Variants in CEACAM20 observed in about 807,000 individuals in gnomAD.
The protein encoded by CEACAM20 is cell adhesion molecule CEACAM20.
CEACAM20 carries 50 observed loss-of-function variants against 61.2 expected under a neutral mutation model. The ratio of observed to expected loss-of-function variants is 0.82; its 90% CI spans 0.65 to 1.03. CEACAM20 has a LOEUF of 1.03. Ranked by LOEUF, CEACAM20 falls within the 50% of genes least tolerant of loss-of-function variation. CEACAM20 has a pLI of 0.00. For missense variants in CEACAM20, 683 were observed against 736.4 expected, an observed-to-expected ratio of 0.93 and a Z score of 0.84; for synonymous variants, 282 against 287.7, an observed-to-expected ratio of 0.98 and a Z score of 0.20.
chr19:44,526,431 G>A (rs1971530790), intron 1 of CEACAM20, among the ~76,000 whole-genome samples: 1 of 151,980 alleles, frequency 6.6e-6, no homozygotes. Flanking sequence ...CTTGAGCCTG[G>A]GAGTTTGAGG....
intron 7 of CEACAM20, 36 bp downstream of exon 7, chr19:44,513,136 C>CCCATCA: frequency 6.5e-7 from 1 of 1,528,870 alleles, no homozygotes; most frequent in Non-Finnish European, 9.0e-7. Flanking sequence ...TGGCCACATC[C>CCCATCA]CCATCCCCAT....
In CEACAM20 at chr19:44,512,927, G is replaced by A. The variant is rs1481634368; in HGVS notation, c.1454C>T (p.Pro485Leu). 1.2e-6 allele frequency: 2 copies of A among 1,613,552 alleles called. No individual in the cohort carries two copies. The highest frequency in any genetic ancestry group is 1.7e-6 in the Non-Finnish European group (2 of 1,179,740). The change falls in exon 8 of 12, where the codon CCC becomes CTC. Residue 485 changes from proline (P) to leucine (L), a missense_variant. Transcript: ENST00000614924. ...RRPSRKTTED[P>L]SHETSQPIPK... The stretch of plus-strand genomic sequence containing the variant: ...GATGGGTTGTGAGGTCTCATGACTG[G>A]GGTCCTCTGTTGTTTTCCTTGAGGG...
chr19:44,511,992 G>T, intron 9 of CEACAM20, 25 bp downstream of exon 9: 1 of 1,597,860 alleles, frequency 6.3e-7, no homozygotes, highest in East Asian at 2.2e-5. Flanking sequence ...GGATCAAGGA[G>T]GGTTCCCTCT....
At position 44,522,240 on chromosome 19, in the gene CEACAM20, A is replaced by T. The variant is rs1166142789; in HGVS notation, c.751+394T>A. ...TGCCTCAGCCTCCTGAGTAGCTGGG[A>T]CTACAGGCGCCCACCACCACACCTG... On this transcript the variant is annotated intron_variant, in intron 4 of 11. Transcript: ENST00000614924. Among the ~76,000 whole-genome samples, 3 of 151,926 alleles carry T rather than the reference A, an allele frequency of 2.0e-5. No individual in the cohort carries two copies. In the East Asian group the frequency reaches 5.8e-4, roughly 29 times the overall value.
chr19:44,510,610 AAAAGGAAGGAAGGAAGAAAGAAAG>A (rs1475232045), intron 11 of CEACAM20, among the ~76,000 whole-genome samples: 10 of 58,946 alleles, frequency 1.7e-4, no homozygotes, highest in South Asian at 1.1e-3. Context: ...GAAAGAAAGA[AAAAGGAAGGAAGGAAGAAAGAAAG>A]AGAAGAAAGA....
At position 44,512,017 on chromosome 19, in the gene CEACAM20, C is replaced by G. The variant is rs757977426; in HGVS notation, c.1575G>C (p.Leu525=). Residue 525 remains leucine, a splice_region_variant and synonymous_variant, in exon 9 of 12, where the codon CTG becomes CTC. Transcript: ENST00000614924. ...SQLQGRIRVE[L]MQPPDLPEET... is the part of the protein sequence containing the mutation. Reference sequence around the variant, plus strand: ...GGGTTCCCTCTGCAGCATCACTCACCAGTTCGACTCTGATCCGTCCCTGAA... The same window carrying G: ...GGGTTCCCTCTGCAGCATCACTCACGAGTTCGACTCTGATCCGTCCCTGAA... 7.5e-5 allele frequency: 120 copies of G among 1,607,882 alleles called. 2 individuals carry two copies. In the South Asian group the frequency reaches 1.3e-3, roughly 18 times the overall value.
chr19:44,512,409 C>A (rs955125521), intron 8 of CEACAM20, among the ~76,000 whole-genome samples: 1 of 152,122 alleles, frequency 6.6e-6, no homozygotes, highest in South Asian at 2.1e-4. Flanking sequence ...TTCTAGAAAG[C>A]CTTCCATATC....
chr19:44,527,979 G>A (rs1034399748), intron 1 of CEACAM20, among the ~76,000 whole-genome samples: 1 of 152,014 alleles, frequency 6.6e-6, no homozygotes, highest in African/African-American at 2.4e-5. Context: ...CCCTCCACCT[G>A]TCTCTCATCT....
chr19:44,523,609 AT>A (rs1247310513), intron 3 of CEACAM20, among the ~76,000 whole-genome samples: 1 of 151,560 alleles, frequency 6.6e-6, no homozygotes, highest in Non-Finnish European at 1.5e-5. Flanking sequence ...TAGAGATGGG[AT>A]CTTGGTATGT....
At position 44,525,094 on chromosome 19, in the gene CEACAM20, C is replaced by G. The variant is rs760646085; in HGVS notation, c.196+7G>C. On this transcript the variant is annotated splice_region_variant and intron_variant, in intron 2 of 11. Coordinates refer to ENST00000614924, the MANE Select transcript of CEACAM20 (RefSeq NM_001102597.3). ...TCAGAATGACCGTCTTGTTTTCTGG[C>G]CCCTACCTCTGGATCTGCCATGAAT... The G allele has an allele frequency of 9.9e-6, 16 of 1,610,448 alleles. No individual in the cohort carries two copies. Among genetic ancestry groups the G allele is most frequent in the Non-Finnish European group, 1.3e-5 (15 of 1,178,452 alleles).
In CEACAM20 at chr19:44,511,232, G is replaced by C. The variant is rs1599665393; in HGVS notation, c.1612-77C>G. On this transcript the variant is annotated intron_variant, in intron 10 of 11. Transcript: ENST00000614924. ...AATGTACCAACTTACACTCTTCAGGGACCGAGAGAGTGGAAGGAATCTGTT... is the reference window on the plus strand; with the variant it reads ...AATGTACCAACTTACACTCTTCAGGCACCGAGAGAGTGGAAGGAATCTGTT... The C allele has an allele frequency of 3.9e-6, 6 of 1,542,318 alleles. No homozygotes were observed. In the East Asian group the frequency reaches 1.1e-4, roughly 29 times the overall value.
intron 6 of CEACAM20, among the ~76,000 whole-genome samples, chr19:44,513,764 C>T: frequency 6.6e-6 from 1 of 152,094 alleles, no homozygotes; most frequent in Admixed American, 6.6e-5. Flanking sequence ...TTAACAGCAT[C>T]ATTTCTAAAC....
intron 6 of CEACAM20, among the ~76,000 whole-genome samples, chr19:44,514,617 T>TTG (rs1014417415): frequency 7.9e-5 from 12 of 151,284 alleles, no homozygotes; most frequent in Admixed American, 2.6e-4. Flanking sequence ...CCTGGCTAAT[T>TTG]TGTGTGTGTG....
chr19:44,527,742 G>A lies in CEACAM20; in HGVS notation c.52+1716C>T, dbSNP rs866117599. Among the ~76,000 whole-genome samples the A allele has an allele frequency of 3.9e-5, 6 of 152,320 alleles. 1 individual carries two copies. In the Middle Eastern group the frequency reaches 0.017, roughly 432 times the overall value. On this transcript the variant is annotated intron_variant, in intron 1 of 11. Transcript: ENST00000614924. ...ACCCTTCCAGGGTTAGCCAGGAAGC[G>A]CCGGCCCAGAGAAGGAGAAGCTGGT...
intron 11 of CEACAM20, among the ~76,000 whole-genome samples, chr19:44,508,970 G>A (rs1011635842): frequency 6.6e-6 from 1 of 152,104 alleles, no homozygotes; most frequent in Non-Finnish European, 1.5e-5. Flanking sequence ...AAAAATGTGG[G>A]GAAGTAAATA....
intron 1 of CEACAM20, among the ~76,000 whole-genome samples, chr19:44,528,588 C>T (rs1366500412): frequency 2.0e-5 from 3 of 152,036 alleles, no homozygotes; most frequent in Non-Finnish European, 4.4e-5. Flanking sequence ...CGTATCTCTT[C>T]TCCCTGTATT....
At chr19:44,520,847 T>C (rs1224734781) in intron 4 of CEACAM20, 95 bp from the exon 5 acceptor site, 1 of 85,836 alleles carries the variant, frequency 1.2e-5, no homozygotes, top group Non-Finnish European at 1.5e-5. Flanking sequence ...AGTGCGTGCG[T>C]GTGTGTGTGT....
At chr19:44,514,937 CA>C (rs1317309399) in intron 6 of CEACAM20, among the ~76,000 whole-genome samples, 3 of 152,070 alleles carry the variant, frequency 2.0e-5, no homozygotes, top group Non-Finnish European at 4.4e-5. Flanking sequence ...CGCTGCCTCC[CA>C]AGTGATTCTC....
In CEACAM20 at chr19:44,517,567, C is replaced by T. The variant is rs935906028; in HGVS notation, c.1031-343G>A. ...AAAAAATTAGCCGGGCGTAGTGGCA[C>T]GCACCTGTAGTCCCAGCTACTCGGG... On this transcript the variant is annotated intron_variant, in intron 5 of 11. Coordinates refer to ENST00000614924, the MANE Select transcript of CEACAM20 (RefSeq NM_001102597.3). Among the ~76,000 whole-genome samples, 26 of 151,958 alleles carry T rather than the reference C, an allele frequency of 1.7e-4. No homozygotes were observed. The East Asian group carries it at 2.3e-3, about 14-fold the overall frequency.
Sources: allele counts gnomAD v4.1 joint callset (sites outside exome capture counted in the v4.1 genomes callset), GRCh38; gene constraint gnomAD v4.1.1; transcripts MANE v1.5; gene names NCBI Gene and HGNC (gene_info 2026-07-23, HGNC 2026-07-21).